Variants in ITIH2 observed in about 807,000 individuals in gnomAD.
The protein encoded by ITIH2 is inter-alpha-trypsin inhibitor heavy chain 2.
Under a neutral mutation model 104.4 loss-of-function variants are expected in ITIH2, and 103 were observed. That is an observed-to-expected ratio of 0.99 (90% CI 0.84 to 1.16). The LOEUF (loss-of-function observed/expected upper bound fraction) is 1.16. Ranked by LOEUF, ITIH2 falls within the 50% of genes most tolerant of loss-of-function variation. ITIH2 has a pLI of 0.00. For synonymous variants in ITIH2, 436 were observed against 435.4 expected (o/e 1.00, Z -0.02); for missense variants, 1,108 against 1,162.4 (o/e 0.95, Z 0.68).
chr10:7,743,248 AC>A lies in ITIH2; in HGVS notation c.2201del (p.Pro734GlnfsTer6). The A allele has an allele frequency of 6.5e-7, 1 of 1,536,858 alleles. No homozygotes were observed. Among genetic ancestry groups the A allele is most frequent in the Non-Finnish European group, 8.9e-7 (1 of 1,121,826 alleles). Reference protein sequence around the residue: ...EPGKILNLVSDPESGIVVNGQ... With the variant: ...EPGKILNLVSXPESGIVVNGQ... Reference sequence around the variant, plus strand: ...GGAAAAATCCTCAACCTGGTTTCTGACCCAGAATCAGGTAAAATAAAAATAA... The same window carrying A: ...GGAAAAATCCTCAACCTGGTTTCTGACCAGAATCAGGTAAAATAAAAATAA... On this transcript the variant is annotated frameshift_variant, in exon 17 of 21. Transcript: ENST00000358415. LOFTEE classifies it high-confidence loss of function.
At chr10:7,744,737 T>C in intron 18 of ITIH2, 54 bp from the exon 19 acceptor site, 1 of 1,496,324 alleles carries the variant, frequency 6.7e-7, no homozygotes, top group Non-Finnish European at 9.1e-7. Flanking sequence ...AAGAATGACT[T>C]TCTCAAAAGG....
At chr10:7,708,452 G>A (rs760173858) in intron 3 of ITIH2, among the ~76,000 whole-genome samples, 2 of 152,262 alleles carry the variant, frequency 1.3e-5, no homozygotes, top group African/African-American at 2.4e-5. Context: ...GCTTACACCC[G>A]TCACTGTTCT....
intron 18 of ITIH2, 34 bp from the exon 19 acceptor site, chr10:7,744,757 G>C: frequency 6.3e-7 from 1 of 1,592,756 alleles, no homozygotes; most frequent in Non-Finnish European, 8.6e-7. Flanking sequence ...GTCTGTTCTG[G>C]AATGGTTTAA....
chr10:7,732,275 T>A (rs1835010655), intron 13 of ITIH2, 63 bp from the exon 14 acceptor site: 4 of 1,542,666 alleles, frequency 2.6e-6, no homozygotes, highest in Non-Finnish European at 2.7e-6. Flanking sequence ...GTACTAAAAA[T>A]GTGAATCAAT....
Position 7,719,782 on chromosome 10 carries a change from A to AAAAAAC in ITIH2, c.631-1073_631-1072insAAAACA, listed in dbSNP as rs754890159. On this transcript the variant is annotated intron_variant, in intron 6 of 20. Transcript: ENST00000358415. ...TCTCAAAAAAAAAAAAAAAAAAAAA[A>AAAAAAC]AGAAAGAAAGAAAAGAAAAAATAGC... Among the ~76,000 whole-genome samples, 268 of 137,114 alleles carry AAAAAAC rather than the reference A, an allele frequency of 2.0e-3. 9 individuals carry two copies. The highest frequency in any genetic ancestry group is 8.5e-3 in the Middle Eastern group (2 of 234). 90.0% of individuals were successfully genotyped at this position (137,114 alleles called of 152,430 possible).
chr10:7,739,146 G>A (rs1835100684), intron 16 of ITIH2, among the ~76,000 whole-genome samples: 1 of 152,052 alleles, frequency 6.6e-6, no homozygotes, highest in Non-Finnish European at 1.5e-5. Context: ...CAACCTCTCT[G>A]GCATCTTCTC....
intron 4 of ITIH2, among the ~76,000 whole-genome samples, chr10:7,710,356 T>C (rs572205810): frequency 2.0e-4 from 30 of 152,362 alleles, no homozygotes; most frequent in Admixed American, 2.0e-3. Context: ...ATACCAGTTA[T>C]CCACTTGGAG....
Position 7,703,386 on chromosome 10 carries a change from C to T in ITIH2, c.-49C>T. The T allele has an allele frequency of 7.9e-7, 1 of 1,263,174 alleles. No individual in the cohort carries two copies. Among genetic ancestry groups the T allele is most frequent in the Non-Finnish European group, 1.2e-6 (1 of 860,612 alleles). 78.2% of individuals were successfully genotyped at this position (1,263,174 alleles called of 1,614,324 possible). On this transcript the variant is annotated 5_prime_UTR_variant, in exon 1 of 21. Coordinates refer to ENST00000358415, the MANE Select transcript of ITIH2 (RefSeq NM_002216.3). ...TTGGTTCAGTAGGAAGAAGTGATAT[C>T]CTCCCCAGACCATCTGCTTTGGGGA...
chr10:7,717,660 G>C lies in ITIH2; in HGVS notation c.502G>C (p.Glu168Gln), dbSNP rs759911015. ...SALDMENFRT[E>Q]VNVLPGAKVQ... Reference sequence around the variant, plus strand: ...TCTTGATATGGAAAACTTCAGAACGGAAGTAAATGTCCTCCCAGGAGCAAA... The same window carrying C: ...TCTTGATATGGAAAACTTCAGAACGCAAGTAAATGTCCTCCCAGGAGCAAA... Residue 168 changes from glutamate (E) to glutamine (Q), a missense_variant, in exon 6 of 21, where the codon GAA (glutamate) becomes CAA (glutamine). By Grantham distance (29) the Glu-to-Gln change is conservative. Coordinates refer to ENST00000358415, the MANE Select transcript of ITIH2 (RefSeq NM_002216.3). 3 of 1,613,898 alleles carry C rather than the reference G, an allele frequency of 1.9e-6. No individual in the cohort carries two copies. The East Asian group carries it at 6.7e-5, about 36-fold the overall frequency.
intron 6 of ITIH2, among the ~76,000 whole-genome samples, chr10:7,719,782 A>AAAAAC (rs754890159): frequency 0.015 from 1,996 of 136,988 alleles, 102 homozygotes; most frequent in African/African-American, 0.051. Flanking sequence ...AAAAAAAAAA[A>AAAAAC]AGAAAGAAAG....
At chr10:7,731,296 T>C (rs1454981006) in intron 12 of ITIH2, among the ~76,000 whole-genome samples, 1 of 152,246 alleles carries the variant, frequency 6.6e-6, no homozygotes, top group African/African-American at 2.4e-5. Context: ...TGCCAGGCTC[T>C]TAAACCAAAG....
In ITIH2 at chr10:7,749,200, G is replaced by C. The variant is rs1835213212; in HGVS notation, c.2707G>C (p.Asp903His). The C allele has an allele frequency of 6.2e-7, 1 of 1,614,006 alleles. No individual in the cohort carries two copies. Among genetic ancestry groups the C allele is most frequent in the Non-Finnish European group, 8.5e-7 (1 of 1,179,934 alleles). Residue 903 changes from aspartate (D) to histidine (H), a missense_variant, in exon 21 of 21, where the codon GAC (aspartate) becomes CAC (histidine). Coordinates refer to ENST00000358415, the MANE Select transcript of ITIH2 (RefSeq NM_002216.3). ...GCTTCCTTGCAGGGGCTTACAGAAA[G>C]ACTACAGAACGGATCTAGTGTTTGG... ...KLIITRGLQKDYRTDLVFGTD... is the reference protein window; with the variant it reads ...KLIITRGLQKHYRTDLVFGTD...
chr10:7,738,691 C>A lies in ITIH2; in HGVS notation c.2028C>A (p.Pro676=). The A allele has an allele frequency of 6.2e-7, 1 of 1,613,734 alleles. No individual in the cohort carries two copies. Among genetic ancestry groups the A allele is most frequent in the East Asian group, 2.2e-5 (1 of 44,776 alleles). Residue 676 remains proline (P), a synonymous_variant, in exon 16 of 21, where the codon CCC becomes CCA. Transcript: ENST00000358415. ...TPSWANPSPT[P]VISMLAQGSQ... ...CTTGGGCCAATCCTTCACCAACGCC[C>A]GTGATCTCCATGCTGGCACAAGGAT...
chr10:7,748,077 C>T (rs908121193), intron 20 of ITIH2, among the ~76,000 whole-genome samples: 1 of 149,632 alleles, frequency 6.7e-6, no homozygotes, highest in Non-Finnish European at 1.5e-5. Flanking sequence ...GGTGTGGTGG[C>T]GGGCGCCTGT....
chr10:7,713,339 C>T (rs1834815793), intron 5 of ITIH2, 54 bp downstream of exon 5: 14 of 1,385,482 alleles, frequency 1.0e-5, no homozygotes, highest in Middle Eastern at 1.8e-4. Context: ...GGTTTCCTCT[C>T]CTACTTCCTT....
At chr10:7,705,552 AATATAT>A (rs1214845292) in intron 2 of ITIH2, among the ~76,000 whole-genome samples, 2 of 151,850 alleles carry the variant, frequency 1.3e-5, no homozygotes, top group Non-Finnish European at 2.9e-5. Flanking sequence ...CCACCCAGCT[AATATAT>A]ATATTAGCTG....
intron 8 of ITIH2, 68 bp from the exon 9 acceptor site, chr10:7,723,383 A>T: frequency 1.0e-6 from 1 of 979,414 alleles, no homozygotes; most frequent in Admixed American, 1.7e-5. Context: ...CTGAGTCCCC[A>T]GGTCCCCATC....
At chr10:7,732,297 C>A (rs1334184829) in intron 13 of ITIH2, 41 bp from the exon 14 acceptor site, 1 of 1,590,130 alleles carries the variant, frequency 6.3e-7, no homozygotes, top group Non-Finnish European at 8.6e-7. Context: ...AACTATAATT[C>A]TGTTACCCAG....
rs767276764 is a variant in ITIH2, at chr10:7,744,952, A to G, written c.2570A>G (p.His857Arg). Residue 857 changes from histidine to arginine, a missense_variant, in exon 19 of 21, where the codon CAC becomes CGC. Transcript: ENST00000358415. ...PPTNKFSPKAHGLIGQFMQEP... is the reference protein window; with the variant it reads ...PPTNKFSPKARGLIGQFMQEP... ...ACAAACAAGTTCTCACCTAAAGCCC[A>G]CGGACTAATAGGTAAAGTGTCTATT... 1.9e-6 allele frequency: 3 copies of G among 1,613,730 alleles called. No homozygotes were observed. Among genetic ancestry groups the G allele is most frequent in the Admixed American group, 3.3e-5 (2 of 60,006 alleles).
Sources: gnomAD v4.1 joint callset for allele counts (sites outside exome capture counted in the v4.1 genomes callset) on GRCh38, gnomAD v4.1.1 for gene constraint, MANE v1.5 for transcripts, NCBI Gene and HGNC (gene_info 2026-07-23, HGNC 2026-07-21) for gene names.